GOLPH3L: variants seen among roughly 807,000 people sequenced by gnomAD.
The protein encoded by GOLPH3L is golgi phosphoprotein 3 like.
GOLPH3L carries 22 observed loss-of-function variants against 30.3 expected under a neutral mutation model. The observed-to-expected ratio is 0.73, with a 90% confidence interval of 0.52 to 1.04. GOLPH3L has a LOEUF of 1.04. GOLPH3L is among the 50% of genes least tolerant of loss of function. GOLPH3L has a pLI of 0.00. For missense variants in GOLPH3L, 303 were observed against 345.8 expected, an observed-to-expected ratio of 0.88 and a Z score of 0.98; for synonymous variants, 120 against 128.2, an observed-to-expected ratio of 0.94 and a Z score of 0.43.
chr1:150,678,438 G>A (rs1048675391), intron 2 of GOLPH3L, among the ~76,000 whole-genome samples: 2 of 151,834 alleles, frequency 1.3e-5, no homozygotes, highest in Admixed American at 6.6e-5. Flanking sequence ...AAAGATACAA[G>A]TTAATATCCT....
intron 2 of GOLPH3L, among the ~76,000 whole-genome samples, chr1:150,688,183 T>A (rs1225825843): frequency 6.6e-6 from 1 of 152,244 alleles, no homozygotes; most frequent in Non-Finnish European, 1.5e-5. Context: ...TCAAACTACT[T>A]GTTAAACTGT....
In GOLPH3L at chr1:150,646,605, C is replaced by T. The variant is rs1649983421; in HGVS notation, c.*1716G>A. The T allele has an allele frequency of 6.6e-6, 1 of 152,050 alleles. No homozygotes were observed. Among genetic ancestry groups the T allele is most frequent in the African/African-American group, 2.4e-5 (1 of 41,412 alleles). 9.4% of individuals were successfully genotyped at this position (152,050 alleles called of 1,614,324 possible). ...ATATCTCTATTTGCCTAAGAGATAC[C>T]TAAAGTGAAAAACAAAAAAATGTTA... On this transcript the variant is annotated 3_prime_UTR_variant, in exon 5 of 5. Transcript: ENST00000271732.
intron 1 of GOLPH3L, among the ~76,000 whole-genome samples, chr1:150,695,527 G>GT (rs1478491283): frequency 3.3e-5 from 5 of 151,864 alleles, no homozygotes; most frequent in Admixed American, 1.3e-4. Context: ...CCCAAGTTAA[G>GT]TAAGATGGAA....
At chr1:150,690,399 C>T (rs1348763788) in intron 2 of GOLPH3L, among the ~76,000 whole-genome samples, 3 of 152,208 alleles carry the variant, frequency 2.0e-5, no homozygotes, top group Admixed American at 6.5e-5. Flanking sequence ...AGGATTTTTT[C>T]CTTTTTTGAC....
chr1:150,693,838 T>TATAC (rs1571059693), intron 2 of GOLPH3L, among the ~76,000 whole-genome samples: 9 of 87,360 alleles, frequency 1.0e-4, no homozygotes, highest in African/African-American at 2.7e-4. Flanking sequence ...TATATATATA[T>TATAC]ATATATATAT....
chr1:150,677,068 A>ATTAT (rs1300575224), intron 2 of GOLPH3L, among the ~76,000 whole-genome samples: 1 of 147,590 alleles, frequency 6.8e-6, no homozygotes, highest in Admixed American at 6.7e-5. Flanking sequence ...ATTTTATTTT[A>ATTAT]TTATTTATTT....
intron 2 of GOLPH3L, among the ~76,000 whole-genome samples, chr1:150,691,710 T>C (rs1011668048): frequency 1.2e-4 from 18 of 152,156 alleles, no homozygotes; most frequent in African/African-American, 4.3e-4. Flanking sequence ...TGTTTATAAT[T>C]GTACCACCTA....
intron 2 of GOLPH3L, among the ~76,000 whole-genome samples, chr1:150,679,116 G>C (rs1650887330): frequency 6.6e-6 from 1 of 152,028 alleles, no homozygotes; most frequent in African/African-American, 2.4e-5. Context: ...TTTTAAGACT[G>C]GTATTATTCC....
chr1:150,663,658 G>A lies in GOLPH3L; in HGVS notation c.289C>T (p.Arg97Cys), dbSNP rs1650425068. Residue 97 changes from arginine (R) to cysteine (C), a missense_variant, in exon 3 of 5, where the codon CGT becomes TGT. Coordinates refer to ENST00000271732, the MANE Select transcript of GOLPH3L (RefSeq NM_018178.6). ...GRIYLEPPTM[R>C]KKRLLDRKVL... ...TTTCTGTCTAGTAGTCGCTTCTTAC[G>A]CATGGTCGGGGGTTCCAGATAGATT... 4.3e-6 allele frequency: 7 copies of A among 1,613,156 alleles called. No individual in the cohort carries two copies. Among genetic ancestry groups the A allele is most frequent in the Non-Finnish European group, 5.9e-6 (7 of 1,179,384 alleles).
Position 150,648,453 on chromosome 1 carries a change from C to T in GOLPH3L, c.726G>A (p.Leu242=), listed in dbSNP as rs376056196. The T allele has an allele frequency of 3.0e-5, 48 of 1,613,828 alleles. No homozygotes were observed. Among genetic ancestry groups the T allele is most frequent in the Middle Eastern group, 3.3e-4 (2 of 6,084 alleles). ...TTGCCACATCATACTTGTCATCTGTCAGAGAGGAGAAGACATTCTCTAGCA... is the reference window on the plus strand; with the variant it reads ...TTGCCACATCATACTTGTCATCTGTTAGAGAGGAGAAGACATTCTCTAGCA... The part of the protein sequence containing the change: ...SDVLENVFSS[L]TDDKYDVAMN... The change falls in exon 5 of 5, where the codon CTG becomes CTA. Residue 242 remains leucine (L), a synonymous_variant. Coordinates refer to ENST00000271732, the MANE Select transcript of GOLPH3L (RefSeq NM_018178.6).
At chr1:150,693,844 T>G (rs1651273780) in intron 2 of GOLPH3L, among the ~76,000 whole-genome samples, 1 of 89,384 alleles carries the variant, frequency 1.1e-5, no homozygotes, top group Non-Finnish European at 2.2e-5. Flanking sequence ...TATATATATA[T>G]ATATTTTTTT....
At chr1:150,683,404 T>C (rs1390707000) in intron 2 of GOLPH3L, among the ~76,000 whole-genome samples, 1 of 151,270 alleles carries the variant, frequency 6.6e-6, no homozygotes, top group African/African-American at 2.4e-5. Context: ...GGCGTGGTGG[T>C]GGGCGCCTGT....
At chr1:150,665,516 T>A (rs1650479735) in intron 2 of GOLPH3L, among the ~76,000 whole-genome samples, 1 of 152,158 alleles carries the variant, frequency 6.6e-6, no homozygotes, top group African/African-American at 2.4e-5. Context: ...AAAAATTTTT[T>A]AATTCAATTT....
intron 2 of GOLPH3L, among the ~76,000 whole-genome samples, chr1:150,681,560 A>C (rs1322892739): frequency 6.6e-6 from 1 of 152,206 alleles, no homozygotes; most frequent in Non-Finnish European, 1.5e-5. Flanking sequence ...AGTGGGGCTT[A>C]GAAAGCCAGG....
intron 2 of GOLPH3L, among the ~76,000 whole-genome samples, chr1:150,671,118 T>C (rs1470553006): frequency 2.6e-5 from 4 of 152,018 alleles, no homozygotes; most frequent in Admixed American, 1.3e-4. Context: ...GGCCCGTGCC[T>C]GTAATCCCAG....
At chr1:150,655,990 T>C (rs1187867793) in intron 4 of GOLPH3L, among the ~76,000 whole-genome samples, 1 of 152,240 alleles carries the variant, frequency 6.6e-6, no homozygotes, top group East Asian at 1.9e-4. Context: ...ACCTGCAGCC[T>C]GCTAAGCGTT....
chr1:150,684,730 C>A (rs1046125696), intron 2 of GOLPH3L, among the ~76,000 whole-genome samples: 6 of 151,464 alleles, frequency 4.0e-5, no homozygotes, highest in Admixed American at 3.3e-4. Flanking sequence ...TGCAATGGTG[C>A]GATCTCAGCT....
chr1:150,664,124 G>A (rs1650439194), intron 2 of GOLPH3L, among the ~76,000 whole-genome samples: 1 of 151,746 alleles, frequency 6.6e-6, no homozygotes, highest in South Asian at 2.1e-4. Context: ...TCAGCCTCCT[G>A]AGTAGCTGGG....
intron 2 of GOLPH3L, among the ~76,000 whole-genome samples, chr1:150,670,239 G>A (rs1406528734): frequency 6.6e-6 from 1 of 152,018 alleles, no homozygotes; most frequent in East Asian, 1.9e-4. Flanking sequence ...TCCAGCCTGG[G>A]CGACAAGATT....
Sources: gnomAD v4.1 joint callset for allele counts (sites outside exome capture counted in the v4.1 genomes callset) on GRCh38, gnomAD v4.1.1 for gene constraint, MANE v1.5 for transcripts, NCBI Gene and HGNC (gene_info 2026-07-23, HGNC 2026-07-21) for gene names.